Variants in ALG14 observed in about 807,000 individuals in gnomAD.
ALG14 encodes the protein ALG14 UDP-N-acetylglucosaminyltransferase subunit.
Under a neutral mutation model 22.8 loss-of-function variants are expected in ALG14, and 17 were observed. That is an observed-to-expected ratio of 0.75 (90% confidence interval 0.51 to 1.12). The LOEUF (loss-of-function observed/expected upper bound fraction) is 1.12, where lower values mean the gene tolerates loss of function less well. Ranked by LOEUF, ALG14 falls within the 50% of genes most tolerant of loss-of-function variation. ALG14 has a pLI of 0.00. For synonymous variants in ALG14, 89 were observed against 103.7 expected (o/e 0.86, Z 0.86); for missense variants, 288 against 271.8 (o/e 1.06, Z -0.42).
intron 2 of ALG14, among the ~76,000 whole-genome samples, chr1:95,031,830 C>T (rs528876970): frequency 3.3e-5 from 5 of 152,092 alleles, no homozygotes; most frequent in South Asian, 2.1e-4. Flanking sequence ...ACTTTTTAGA[C>T]GGAGTTTAGC....
At chr1:95,031,246 G>A (rs1459133076) in intron 2 of ALG14, among the ~76,000 whole-genome samples, 1 of 152,186 alleles carries the variant, frequency 6.6e-6, no homozygotes, top group African/African-American at 2.4e-5. Flanking sequence ...GGGCAATGAG[G>A]AGCCTCTTCC....
chr1:95,061,425 G>C (rs1305325723), intron 2 of ALG14, among the ~76,000 whole-genome samples: 1 of 152,108 alleles, frequency 6.6e-6, no homozygotes. Context: ...CATTTTAGTA[G>C]TATGTTAGTT....
chr1:95,011,293 T>TC (rs141556966), intron 3 of ALG14, among the ~76,000 whole-genome samples: 2,169 of 152,252 alleles, frequency 0.014, 54 homozygotes, highest in African/African-American at 0.049. Context: ...CCTCATCCCT[T>TC]CTACCATTTA....
At chr1:94,995,583 C>T (rs1035488530) in intron 3 of ALG14, among the ~76,000 whole-genome samples, 3 of 152,178 alleles carry the variant, frequency 2.0e-5, no homozygotes, top group African/African-American at 4.8e-5. Flanking sequence ...CGTGGTGGCA[C>T]GTGCCTGTAA....
chr1:95,036,489 C>G (rs1427964592), intron 2 of ALG14, among the ~76,000 whole-genome samples: 1 of 131,154 alleles, frequency 7.6e-6, no homozygotes. Context: ...TGCAGTGGTG[C>G]GATCTCGGCT....
chr1:94,997,586 C>G (rs976653448), intron 3 of ALG14, among the ~76,000 whole-genome samples: 2 of 152,180 alleles, frequency 1.3e-5, no homozygotes, highest in Admixed American at 1.3e-4. Context: ...CATCCTGGCT[C>G]TACCACTTCC....
chr1:95,057,026 A>G (rs1044271214), intron 2 of ALG14, among the ~76,000 whole-genome samples: 1 of 147,618 alleles, frequency 6.8e-6, no homozygotes, highest in Non-Finnish European at 1.5e-5. Context: ...ACTGCACTCC[A>G]GCCTGGGCAA....
chr1:95,002,718 G>C (rs927996853), intron 3 of ALG14, among the ~76,000 whole-genome samples: 2 of 152,128 alleles, frequency 1.3e-5, no homozygotes, highest in Admixed American at 1.3e-4. Flanking sequence ...TTAAAGCAAC[G>C]ATAGTATCTA....
At chr1:95,050,148 G>A (rs903833052) in intron 2 of ALG14, among the ~76,000 whole-genome samples, 3 of 152,134 alleles carry the variant, frequency 2.0e-5, no homozygotes, top group African/African-American at 4.8e-5. Context: ...TTCCTGAAGC[G>A]TTCCGAGCGA....
intron 1 of ALG14, among the ~76,000 whole-genome samples, chr1:95,066,559 G>A (rs746076455): frequency 3.3e-5 from 5 of 151,980 alleles, no homozygotes; most frequent in African/African-American, 9.7e-5. Context: ...AAAGGATTTC[G>A]TTCTAGATCC....
At chr1:94,987,143 C>A (rs1315882450) in intron 3 of ALG14, among the ~76,000 whole-genome samples, 1 of 152,140 alleles carries the variant, frequency 6.6e-6, no homozygotes, top group Non-Finnish European at 1.5e-5. Context: ...CAGAGCAGAG[C>A]CGAGAGATGA....
intron 3 of ALG14, among the ~76,000 whole-genome samples, chr1:95,002,561 G>A (rs995369062): frequency 6.6e-6 from 1 of 152,180 alleles, no homozygotes; most frequent in African/African-American, 2.4e-5. Flanking sequence ...AGCCACAAAC[G>A]GATTTTCCAT....
At chr1:95,008,948 C>A (rs1312665091) in intron 3 of ALG14, among the ~76,000 whole-genome samples, 1 of 152,100 alleles carries the variant, frequency 6.6e-6, no homozygotes, top group Non-Finnish European at 1.5e-5. Context: ...GGCTTATTAC[C>A]ATGATGTTTT....
rs541471118 is a variant in ALG14 at position 94,976,244 on chromosome 1, T to C, written c.*6832A>G. ...GTCAAGTAACTTGCCAGAAAAGGGA[T>C]AGAGTTTGGGAGATGTGGATTTCCC... On this transcript the variant is annotated 3_prime_UTR_variant, in exon 4 of 4. Transcript: ENST00000370205. The C allele has an allele frequency of 3.3e-5, 5 of 152,076 alleles. No homozygotes were observed. The highest frequency in any genetic ancestry group is 3.3e-4 in the Admixed American group (5 of 15,274). The allele number at this position is 152,076 out of a possible 1,614,324, so 9.4% of individuals were successfully genotyped here.
intron 3 of ALG14, among the ~76,000 whole-genome samples, chr1:95,009,075 T>G (rs576307923): frequency 3.9e-4 from 59 of 152,126 alleles, no homozygotes; most frequent in Non-Finnish European, 7.5e-4. Context: ...GACACTTGTT[T>G]CTACCTTTTG....
chr1:94,984,813 C>G (rs568545344), intron 3 of ALG14, among the ~76,000 whole-genome samples: 12 of 152,324 alleles, frequency 7.9e-5, no homozygotes, highest in African/African-American at 2.6e-4. Flanking sequence ...AGAACAATCA[C>G]CACCTCGGCC....
chr1:95,022,762 G>A (rs1673699834), intron 3 of ALG14, among the ~76,000 whole-genome samples: 1 of 152,170 alleles, frequency 6.6e-6, no homozygotes, highest in South Asian at 2.1e-4. Flanking sequence ...TCCATTGACA[G>A]ATAAACATCT....
intron 2 of ALG14, among the ~76,000 whole-genome samples, chr1:95,043,911 T>C (rs749274922): frequency 6.6e-6 from 1 of 151,880 alleles, no homozygotes; most frequent in African/African-American, 2.4e-5. Flanking sequence ...CACAAGTGTG[T>C]AGAGTTTAGG....
chr1:95,027,107 C>T, intron 3 of ALG14, 22 bp downstream of exon 3: 1 of 1,613,404 alleles, frequency 6.2e-7, no homozygotes, highest in Non-Finnish European at 8.5e-7. Context: ...CTTTCTCTCT[C>T]CTTAGTGATG....
Sources: gnomAD v4.1 joint callset for allele counts (sites outside exome capture counted in the v4.1 genomes callset) on GRCh38, gnomAD v4.1.1 for gene constraint, MANE v1.5 for transcripts, NCBI Gene and HGNC (gene_info 2026-07-23, HGNC 2026-07-21) for gene names.